The following MAN2B1 variants were observed in gnomAD, a reference collection of about 807,000 sequenced individuals.
MAN2B1 encodes the protein mannosidase alpha class 2B member 1, also known as lysosomal alpha-mannosidase.
In MAN2B1, 99 loss-of-function variants were observed where a neutral mutation model predicts 127.5. The observed-to-expected ratio is 0.78, with a 90% CI of 0.66 to 0.92. The LOEUF is 0.92. Ranked by LOEUF, MAN2B1 falls within the 40% of genes least tolerant of loss-of-function variation. MAN2B1 has a pLI of 0.00. For missense variants in MAN2B1, 1,304 were observed against 1,384.8 expected (o/e 0.94, Z 0.93); for synonymous variants, 573 against 568.8 (o/e 1.01, Z -0.11).
rs1055070863 is a variant in MAN2B1 at position 12,658,121 on chromosome 19, C to T, written c.1251G>A (p.Ala417=). The part of the protein sequence containing the change: ...NFLQVCNQLE[A]LVGLAANVGP... ...CCACGTTGGCCGCCAGGCCCACCAGCGCCTCCAGCTGGTTGCACACCTGGA... is the reference window on the plus strand; with the variant it reads ...CCACGTTGGCCGCCAGGCCCACCAGTGCCTCCAGCTGGTTGCACACCTGGA... Residue 417 remains alanine (A), a synonymous_variant, in exon 10 of 24, where the codon GCG becomes GCA. Transcript: ENST00000456935. 5 of 1,613,576 alleles carry T rather than the reference C, an allele frequency of 3.1e-6. No individual in the cohort carries two copies. The highest frequency in any genetic ancestry group is 4.2e-6 in the Non-Finnish European group (5 of 1,179,992).
chr19:12,652,508 T>G (rs1489850235), intron 14 of MAN2B1, 48 bp from the exon 15 acceptor site: 1 of 1,293,986 alleles, frequency 7.7e-7, no homozygotes, highest in East Asian at 2.3e-5. Context: ...TATGTGTGTG[T>G]GTTTTCTTTT....
In MAN2B1 at chr19:12,657,036, C is replaced by G. The variant is rs1159688563; in HGVS notation, c.1440G>C (p.Leu480=). ...GATCTTTGAAGCCTCTGAGCCGCGC[C>G]AGCGCGTTGCTCAGAAGAACCTGCG... is the stretch of plus-strand genomic sequence containing the variant. ...GPCEVLLSNA[L]ARLRGFKDHF... The change falls in exon 12 of 24, where the codon CTG becomes CTC. Residue 480 remains leucine (L), a synonymous_variant. Coordinates refer to ENST00000456935, the MANE Select transcript of MAN2B1 (RefSeq NM_000528.4). 3 of 1,611,256 alleles carry G rather than the reference C, an allele frequency of 1.9e-6. No homozygotes were observed. The highest frequency in any genetic ancestry group is 2.5e-6 in the Non-Finnish European group (3 of 1,179,126).
At chr19:12,665,605 G>T in intron 2 of MAN2B1, 80 bp from the exon 3 acceptor site, 1 of 1,586,518 alleles carries the variant, frequency 6.3e-7, no homozygotes, top group Non-Finnish European at 8.7e-7. Context: ...CCAAACCCTG[G>T]ATATTAGGGT....
intron 7 of MAN2B1, among the ~76,000 whole-genome samples, chr19:12,659,644 C>A (rs915081058): frequency 1.2e-4 from 18 of 151,940 alleles, no homozygotes; most frequent in Non-Finnish European, 2.4e-4. Flanking sequence ...CATAGTGAAA[C>A]CCTGCCTCTA....
chr19:12,648,319 C>A lies in MAN2B1; in HGVS notation c.2520G>T (p.Gly840=), dbSNP rs764660688. Reference sequence around the variant, plus strand: ...CTGTGTCCAGCAGCACCAGGTGGCGCCCTCGCACCCACGCCCCCGACCCGT... The same window carrying A: ...CTGTGTCCAGCAGCACCAGGTGGCGACCTCGCACCCACGCCCCCGACCCGT... ...MENGSGAWVR[G]RHLVLLDTAQ... The change falls in exon 21 of 24, where the codon GGG becomes GGT. Residue 840 remains glycine (G), a synonymous_variant. Coordinates refer to ENST00000456935, the MANE Select transcript of MAN2B1 (RefSeq NM_000528.4). 1.2e-6 allele frequency: 2 copies of A among 1,613,574 alleles called. No homozygotes were observed. Among genetic ancestry groups the A allele is most frequent in the Non-Finnish European group, 1.7e-6 (2 of 1,179,912 alleles).
intron 14 of MAN2B1, among the ~76,000 whole-genome samples, chr19:12,653,559 T>A (rs2023892297): frequency 6.6e-6 from 1 of 151,960 alleles, no homozygotes; most frequent in African/African-American, 2.4e-5. Context: ...AGGAGTTTGA[T>A]ACCAGCCTGG....
rs775917362 is a variant in MAN2B1 at position 12,666,667 on chromosome 19, G to T, written c.35C>A (p.Ala12Asp). The T allele has an allele frequency of 1.3e-6, 2 of 1,552,226 alleles. 1 individual carries two copies. The highest frequency in any genetic ancestry group is 2.4e-5 in the South Asian group (2 of 84,360). ...GAYARASGVCARGCLDSAGPW... is the reference protein window; with the variant it reads ...GAYARASGVCDRGCLDSAGPW... ...GCCTGCTGAGTCCAGGCAGCCGCGA[G>T]CGCAGACCCCCGAAGCCCGCGCGTA... is the stretch of plus-strand genomic sequence containing the variant. Residue 12 changes from alanine to aspartate, a missense_variant, in exon 1 of 24, where the codon GCT (alanine) becomes GAT (aspartate). Coordinates refer to ENST00000456935, the MANE Select transcript of MAN2B1 (RefSeq NM_000528.4).
intron 16 of MAN2B1, among the ~76,000 whole-genome samples, chr19:12,651,240 T>C (rs1156555190): frequency 6.6e-6 from 1 of 152,154 alleles, no homozygotes; most frequent in African/African-American, 2.4e-5. Context: ...TGTCCAGTCT[T>C]CCCTGAGGCT....
chr19:12,663,695 C>T lies in MAN2B1; in HGVS notation c.763+8G>A. 1 of 1,606,108 alleles carries T rather than the reference C, an allele frequency of 6.2e-7. No homozygotes were observed. The highest frequency in any genetic ancestry group is 8.5e-7 in the Non-Finnish European group (1 of 1,176,656). On this transcript the variant is annotated splice_region_variant and intron_variant, in intron 5 of 23. Coordinates refer to ENST00000456935, the MANE Select transcript of MAN2B1 (RefSeq NM_000528.4). ...CATGGCTGGCCCTGCCCTCACCAAGCCCCCTACCAGTGAAGAGGTCCGCGG... is the reference window on the plus strand; with the variant it reads ...CATGGCTGGCCCTGCCCTCACCAAGTCCCCTACCAGTGAAGAGGTCCGCGG...
At chr19:12,657,281 C>A (rs1198275821) in intron 11 of MAN2B1, 165 bp downstream of exon 11, 2 of 718,618 alleles carry the variant, frequency 2.8e-6, no homozygotes, top group Non-Finnish European at 4.9e-6. Context: ...CGCCCCGTTC[C>A]TGTATCTTTC....
rs866377220 is a variant in MAN2B1, at chr19:12,666,604, G to A, written c.98C>T (p.Pro33Leu). 3.2e-6 allele frequency: 5 copies of A among 1,566,166 alleles called. No individual in the cohort carries two copies. Among genetic ancestry groups the A allele is most frequent in the South Asian group, 1.2e-5 (1 of 85,676 alleles). Residue 33 changes from proline to leucine, a missense_variant, in exon 1 of 24, where the codon CCG (proline) becomes CTG (leucine). Coordinates refer to ENST00000456935, the MANE Select transcript of MAN2B1 (RefSeq NM_000528.4). ...CAACAAAAGGAAAAAGCAGAGAGGC[G>A]GGAGCGGTGGCCGCAGGGCGCGGGA... ...TMSRALRPPL[P>L]PLCFFLLLLA...
In MAN2B1 at chr19:12,647,445, T is replaced by G; in HGVS notation, c.2818A>C (p.Arg940=). Residue 940 remains arginine, a splice_region_variant and synonymous_variant, in exon 22 of 24, where the codon AGG becomes CGG. Coordinates refer to ENST00000456935, the MANE Select transcript of MAN2B1 (RefSeq NM_000528.4). This position sits in a 1 kb window ranked among gnomAD's most constrained non-coding sequence, Gnocchi z 4.9. The stretch of plus-strand genomic sequence containing the variant: ...CTTCTCAATTTTGCCCTTCTCACCC[T>G]CAAGTTCAAGGTAACGGGGGCGCTC... ...NLSAPVTLNL[R]DLFSTFTITR... The G allele has an allele frequency of 1.2e-6, 2 of 1,614,184 alleles. No individual in the cohort carries two copies. Among genetic ancestry groups the G allele is most frequent in the Non-Finnish European group, 1.7e-6 (2 of 1,180,028 alleles).
intron 4 of MAN2B1, among the ~76,000 whole-genome samples, chr19:12,664,388 G>C (rs1401022853): frequency 1.3e-5 from 2 of 152,090 alleles, no homozygotes; most frequent in African/African-American, 4.8e-5. Flanking sequence ...CGCAGAGCAG[G>C]CCTGACTCCA....
At chr19:12,649,312 T>A in intron 19 of MAN2B1, 29 bp downstream of exon 19, 1 of 1,604,928 alleles carries the variant, frequency 6.2e-7, no homozygotes. Context: ...TCTATCGAGG[T>A]GGGGAGGTGC....
intron 16 of MAN2B1, 28 bp from the exon 17 acceptor site, chr19:12,650,250 C>T: frequency 3.5e-6 from 5 of 1,430,732 alleles, no homozygotes; most frequent in Non-Finnish European, 4.9e-6. Flanking sequence ...AGGTGGATGT[C>T]AGTCTGTACC....
Position 12,647,685 on chromosome 19 carries a change from T to C in MAN2B1, c.2665-87A>G. On this transcript the variant is annotated intron_variant, in intron 21 of 23. Coordinates refer to ENST00000456935, the MANE Select transcript of MAN2B1 (RefSeq NM_000528.4). The surrounding 1 kb of genome is among the most constrained non-coding windows in gnomAD (Gnocchi z 4.9). ...GCCGAGCCAGGTCAGGAGGCAGGGC[T>C]AGGTTGTAGGGGCGGGGTTTCGCCG... 8.9e-7 allele frequency: 1 copy of C among 1,129,406 alleles called. No homozygotes were observed. The highest frequency in any genetic ancestry group is 1.3e-6 in the Non-Finnish European group (1 of 794,236). The allele number at this position is 1,129,406 out of a possible 1,614,324, so 70.0% of individuals were successfully genotyped here. A position where few individuals can be genotyped will look rare whatever the true frequency, so the allele number is the denominator to read the frequency against.
chr19:12,662,173 T>A (rs531045928), intron 6 of MAN2B1, among the ~76,000 whole-genome samples: 4 of 151,132 alleles, frequency 2.6e-5, no homozygotes, highest in Non-Finnish European at 4.4e-5. Flanking sequence ...GAAAAAAAAA[T>A]TTTTTTAAGG....
intron 13 of MAN2B1, 45 bp from the exon 14 acceptor site, chr19:12,655,924 A>T (rs745594759): frequency 6.5e-7 from 1 of 1,540,348 alleles, no homozygotes; most frequent in Non-Finnish European, 9.0e-7. Context: ...TACCCATGGA[A>T]AGCTATACAT....
intron 20 of MAN2B1, 96 bp from the exon 21 acceptor site, chr19:12,648,498 A>C: frequency 1.1e-6 from 1 of 891,782 alleles, no homozygotes; most frequent in South Asian, 1.5e-5. Flanking sequence ...TGTCAAAAGA[A>C]ATTAAAGGGT....
Sources: gnomAD v4.1 joint callset for allele counts (sites outside exome capture counted in the v4.1 genomes callset) on GRCh38, gnomAD v4.1.1 for gene constraint, Gnocchi (gnomAD v3.1) non-coding constraint, MANE v1.5 for transcripts, NCBI Gene and HGNC (gene_info 2026-07-23, HGNC 2026-07-21) for gene names.